The following C10orf90 variants were observed in gnomAD, a reference collection of about 807,000 sequenced individuals.
The protein encoded by C10orf90 is chromosome 10 open reading frame 90, also known as (E2-independent) E3 ubiquitin-conjugating enzyme FATS.
Under a neutral mutation model 62.5 loss-of-function variants are expected in C10orf90, and 56 were observed. The observed-to-expected ratio is 0.90, with a 90% CI of 0.72 to 1.12. The LOEUF (loss-of-function observed/expected upper bound fraction) is 1.12. C10orf90 is among the 50% of genes most tolerant of loss of function. C10orf90 has a pLI of 0.00. For missense variants in C10orf90, 970 were observed against 880.4 expected, an observed-to-expected ratio of 1.10 and a Z score of -1.29; for synonymous variants, 386 against 340.4, an observed-to-expected ratio of 1.13 and a Z score of -1.47.
intron 4 of C10orf90, among the ~76,000 whole-genome samples, chr10:126,479,784 G>T (rs1306474224): frequency 1.3e-5 from 2 of 152,160 alleles, no homozygotes; most frequent in Admixed American, 1.3e-4. Context: ...CATATGTATT[G>T]TTTCTATTTG....
intron 7 of C10orf90, among the ~76,000 whole-genome samples, chr10:126,447,993 A>T (rs1288177582): frequency 6.8e-6 from 1 of 147,186 alleles, no homozygotes; most frequent in Non-Finnish European, 1.5e-5. Flanking sequence ...CTGGGACTAC[A>T]GGAGCCTGCC....
At chr10:126,630,066 G>T (rs899331615) in intron 2 of C10orf90, among the ~76,000 whole-genome samples, 2 of 152,194 alleles carry the variant, frequency 1.3e-5, no homozygotes, top group African/African-American at 4.8e-5. Flanking sequence ...AAAAATAGCG[G>T]CTGCCTGTGT....
chr10:126,447,415 G>T (rs546117893), intron 7 of C10orf90, among the ~76,000 whole-genome samples: 1 of 152,196 alleles, frequency 6.6e-6, no homozygotes, highest in South Asian at 2.1e-4. Flanking sequence ...TAGACTTTAA[G>T]TCCAAAACTG....
In C10orf90 at chr10:126,461,465, C is replaced by T. The variant is rs780432407; in HGVS notation, c.1946G>A (p.Ser649Asn). 3 of 1,614,180 alleles carry T rather than the reference C, an allele frequency of 1.9e-6. No individual in the cohort carries two copies. Among genetic ancestry groups the T allele is most frequent in the Non-Finnish European group, 2.5e-6 (3 of 1,180,030 alleles). Reference protein sequence around the residue: ...PSPAPRDGAGSPGLSEDCSES... With the variant: ...PSPAPRDGAGNPGLSEDCSES... ...AGAACAGTCTTCGGACAGGCCAGGG[C>T]TCCCTGCTCCATCGCGGGGTGCTGG... Residue 649 changes from serine to asparagine, a missense_variant, in exon 6 of 10, where the codon AGC becomes AAC. By Grantham distance (46) the Ser-to-Asn change is conservative. Coordinates refer to ENST00000488181, the MANE Select transcript of C10orf90 (RefSeq NM_001350921.2).
At chr10:126,564,541 C>A (rs758508117) in intron 2 of C10orf90, among the ~76,000 whole-genome samples, 4 of 151,544 alleles carry the variant, frequency 2.6e-5, no homozygotes, top group Non-Finnish European at 4.4e-5. Flanking sequence ...CAGTGTGAAC[C>A]TTGCCTTCAA....
chr10:126,479,733 A>G (rs1176409976), intron 4 of C10orf90, among the ~76,000 whole-genome samples: 2 of 152,148 alleles, frequency 1.3e-5, no homozygotes, highest in Non-Finnish European at 2.9e-5. Flanking sequence ...AAGGCATTTC[A>G]TTTTCCAGAT....
intron 1 of C10orf90, among the ~76,000 whole-genome samples, chr10:126,648,045 G>A (rs1244226965): frequency 1.3e-5 from 2 of 152,198 alleles, no homozygotes; most frequent in Admixed American, 6.5e-5. Context: ...TGTTGAGGGT[G>A]GGGCCTAGTG....
rs115057607 is a variant in C10orf90, at chr10:126,470,177, G to C, written c.1535-5191C>G. ...GTTGCATGCTGCAGAGGGAGAGAAG[G>C]CATTTTTCTGCATGTTGCATGCTGC... On this transcript the variant is annotated intron_variant, in intron 4 of 9. Coordinates refer to ENST00000488181, the MANE Select transcript of C10orf90 (RefSeq NM_001350921.2). 3,239 of 395,908 alleles carry C rather than the reference G, an allele frequency of 8.2e-3. 82 individuals carry two copies. The highest frequency in any genetic ancestry group is 0.06 in the African/African-American group (2,909 of 48,806). The allele number at this position is 395,908 out of a possible 1,614,324, so 24.5% of individuals were successfully genotyped here.
intron 4 of C10orf90, among the ~76,000 whole-genome samples, chr10:126,487,718 A>C (rs901769242): frequency 1.3e-5 from 2 of 152,194 alleles, no homozygotes; most frequent in African/African-American, 4.8e-5. Context: ...GTACTTTAGG[A>C]AGGTAAAAAT....
chr10:126,597,069 C>T (rs2164585), intron 2 of C10orf90, among the ~76,000 whole-genome samples: 23,006 of 152,112 alleles, frequency 0.15, 3,527 homozygotes, highest in African/African-American at 0.38. Flanking sequence ...GCTGAAAATA[C>T]GGAGAAATCT....
intron 2 of C10orf90, among the ~76,000 whole-genome samples, chr10:126,619,668 C>T (rs1845608712): frequency 6.6e-6 from 1 of 152,062 alleles, no homozygotes; most frequent in Admixed American, 6.6e-5. Context: ...TTGAGACAGT[C>T]TTGCTCTGTC....
intron 2 of C10orf90, among the ~76,000 whole-genome samples, chr10:126,585,259 GGAAAA>G (rs1046700135): frequency 6.7e-6 from 1 of 148,576 alleles, no homozygotes; most frequent in African/African-American, 2.5e-5. Context: ...AAGAGAGAGA[GGAAAA>G]GAAAGAAAGA....
Position 126,645,394 on chromosome 10 carries a change from C to T in C10orf90, c.313+1171G>A, listed in dbSNP as rs571858603. Among the ~76,000 whole-genome samples, 36 of 146,260 alleles carry T rather than the reference C, an allele frequency of 2.5e-4. 2 individuals are homozygous for T. In the South Asian group the frequency reaches 6.3e-3, roughly 26 times the overall value. On this transcript the variant is annotated intron_variant, in intron 2 of 9. Transcript: ENST00000488181. ...ACCAGGCGAGGCAACATGGCAAGAT[C>T]CCCTCTCTACCAAACAAACAAACAA...
At chr10:126,586,486 T>C (rs1275164024) in intron 2 of C10orf90, among the ~76,000 whole-genome samples, 1 of 152,194 alleles carries the variant, frequency 6.6e-6, no homozygotes, top group Non-Finnish European at 1.5e-5. Context: ...TCAAGGTTCA[T>C]GTGGCTGTTC....
chr10:126,574,336 A>G (rs1410789332), intron 2 of C10orf90, among the ~76,000 whole-genome samples: 3 of 152,176 alleles, frequency 2.0e-5, no homozygotes, highest in Admixed American at 2.0e-4. Flanking sequence ...ACAAAGGAAA[A>G]ACGGTCAAAG....
intron 2 of C10orf90, among the ~76,000 whole-genome samples, chr10:126,562,173 G>T (rs1247164981): frequency 6.6e-6 from 1 of 152,168 alleles, no homozygotes; most frequent in African/African-American, 2.4e-5. Flanking sequence ...GGCCCAGAGG[G>T]TCCCTAATGG....
chr10:126,550,384 T>C (rs1435191871), intron 2 of C10orf90, among the ~76,000 whole-genome samples: 8 of 152,314 alleles, frequency 5.3e-5, no homozygotes, highest in African/African-American at 1.9e-4. Flanking sequence ...GGAGGGAACC[T>C]TGTAATCACG....
In C10orf90 at chr10:126,583,335, T is replaced by C. The variant is rs7893635; in HGVS notation, c.313+63230A>G. 5.9e-3 allele frequency among the ~76,000 whole-genome samples: 906 copies of C among 152,332 alleles called. 8 individuals carry two copies. Among genetic ancestry groups the C allele is most frequent in the African/African-American group, 0.021 (860 of 41,582 alleles). ...GAAACATTTGGAAGAAAAAAATGGT[T>C]ACAAATTCTCATATGAAGAACTAAA... On this transcript the variant is annotated intron_variant, in intron 2 of 9. Coordinates refer to ENST00000488181, the MANE Select transcript of C10orf90 (RefSeq NM_001350921.2).
At chr10:126,452,862 AT>A (rs1859292923) in intron 7 of C10orf90, among the ~76,000 whole-genome samples, 1 of 152,242 alleles carries the variant, frequency 6.6e-6, no homozygotes, top group Non-Finnish European at 1.5e-5. Flanking sequence ...ACATTTAAAA[AT>A]TCTCTTGTGA....
Sources: allele counts gnomAD v4.1 joint callset (sites outside exome capture counted in the v4.1 genomes callset), GRCh38; gene constraint gnomAD v4.1.1; transcripts MANE v1.5; gene names NCBI Gene and HGNC (gene_info 2026-07-23, HGNC 2026-07-21).